Variants in PDCD6IP observed in about 807,000 individuals in gnomAD.
The protein encoded by PDCD6IP is programmed cell death 6 interacting protein.
A neutral mutation model predicts 103.7 loss-of-function variants in PDCD6IP; 43 were observed. The observed-to-expected ratio is 0.41, with a 90% CI of 0.32 to 0.53. The LOEUF (loss-of-function observed/expected upper bound fraction) is 0.53. PDCD6IP is among the 20% of genes least tolerant of loss of function. The pLI is 0.16. For missense variants in PDCD6IP, 871 were observed against 1,036.7 expected (o/e 0.84, Z 2.20); for synonymous variants, 354 against 378.7 (o/e 0.93, Z 0.76).
intron 3 of PDCD6IP, among the ~76,000 whole-genome samples, chr3:33,814,025 C>T (rs1362190263): frequency 6.6e-6 from 1 of 152,114 alleles, no homozygotes; most frequent in African/African-American, 2.4e-5. Flanking sequence ...GATACAAAAT[C>T]ATAACCATAG....
chr3:33,813,702 T>C, intron 3 of PDCD6IP, 74 bp downstream of exon 3: 1 of 852,996 alleles, frequency 1.2e-6, no homozygotes, highest in Non-Finnish European at 2.0e-6. Context: ...TTTAAAATTG[T>C]TATCCTAATG....
intron 1 of PDCD6IP, among the ~76,000 whole-genome samples, chr3:33,805,056 AAT>A (rs1237067887): frequency 5.3e-5 from 8 of 152,060 alleles, no homozygotes; most frequent in Non-Finnish European, 8.8e-5. Context: ...CTTCCCCTTA[AAT>A]TAAAAAATTC....
chr3:33,838,392 T>C, intron 9 of PDCD6IP, 65 bp downstream of exon 9: 1 of 1,373,686 alleles, frequency 7.3e-7, no homozygotes, highest in Non-Finnish European at 1.0e-6. Context: ...TTATGAACAT[T>C]TTAGTTTCTG....
At chr3:33,825,067 A>C in intron 4 of PDCD6IP, 120 bp from the exon 5 acceptor site, 1 of 847,006 alleles carries the variant, frequency 1.2e-6, no homozygotes, top group East Asian at 2.6e-5. Flanking sequence ...TTTGCATAAT[A>C]TAAAAATTTA....
At chr3:33,824,729 G>A (rs1010486408) in intron 4 of PDCD6IP, among the ~76,000 whole-genome samples, 1 of 152,192 alleles carries the variant, frequency 6.6e-6, no homozygotes, top group Non-Finnish European at 1.5e-5. Context: ...ACTGGCAATG[G>A]GTAGTAATGC....
chr3:33,823,816 G>A (rs1002385320), intron 4 of PDCD6IP, among the ~76,000 whole-genome samples: 1 of 152,084 alleles, frequency 6.6e-6, no homozygotes, highest in South Asian at 2.1e-4. Context: ...TAGTGAAAAC[G>A]AAGTAAAATT....
intron 15 of PDCD6IP, among the ~76,000 whole-genome samples, chr3:33,858,464 C>A (rs1013760754): frequency 2.0e-5 from 3 of 152,126 alleles, no homozygotes; most frequent in Admixed American, 2.0e-4. Context: ...CCACTGTACT[C>A]CAGTCTGGGC....
At position 33,838,175 on chromosome 3, in the gene PDCD6IP, T is replaced by G. The variant is rs575920985; in HGVS notation, c.1058-29T>G. ...ACAGTTCGGGTTTTTGTCTAAAAAT[T>G]TTGTTGTAATTTCTCTTCCTAATTT... On this transcript the variant is annotated intron_variant, in intron 8 of 17. Coordinates refer to ENST00000307296, the MANE Select transcript of PDCD6IP (RefSeq NM_013374.6). 4 of 1,607,764 alleles carry G rather than the reference T, an allele frequency of 2.5e-6. No individual in the cohort carries two copies. In the Admixed American group the frequency reaches 5.1e-5, roughly 20 times the overall value.
At chr3:33,820,087 C>G (rs1294210869) in intron 3 of PDCD6IP, among the ~76,000 whole-genome samples, 1 of 152,188 alleles carries the variant, frequency 6.6e-6, no homozygotes, top group South Asian at 2.1e-4. Flanking sequence ...AGTTCAAGAC[C>G]AGCCTAGGCA....
chr3:33,828,974 G>T lies in PDCD6IP; in HGVS notation c.834+5G>T. ...GAAGAAATTGCAAGGTTACAGGTGA[G>T]TCTCTTGGTAATAAATATTTAAGTA... On this transcript the variant is annotated splice_donor_5th_base_variant and intron_variant, in intron 7 of 17. Transcript: ENST00000307296. The T allele has an allele frequency of 6.3e-7, 1 of 1,580,794 alleles. No individual in the cohort carries two copies. The highest frequency in any genetic ancestry group is 8.6e-7 in the Non-Finnish European group (1 of 1,164,062).
At chr3:33,851,864 C>CT (rs1434951246) in intron 12 of PDCD6IP, among the ~76,000 whole-genome samples, 2 of 152,144 alleles carry the variant, frequency 1.3e-5, no homozygotes, top group Non-Finnish European at 2.9e-5. Context: ...GTATCTTTCT[C>CT]TATTTCTTTC....
Position 33,868,000 on chromosome 3 carries a change from G to T in PDCD6IP, c.*1475G>T, listed in dbSNP as rs1295464395. ...AAAATATATGTATATTTTAAACTTTGTTGTGTGTAGGAAACATGAAGGCAT... is the reference window on the plus strand; with the variant it reads ...AAAATATATGTATATTTTAAACTTTTTTGTGTGTAGGAAACATGAAGGCAT... On this transcript the variant is annotated 3_prime_UTR_variant, in exon 18 of 18. Transcript: ENST00000307296. The T allele has an allele frequency of 6.6e-6, 1 of 152,182 alleles. No individual in the cohort carries two copies. The highest frequency in any genetic ancestry group is 1.5e-5 in the Non-Finnish European group (1 of 68,018). The allele number at this position is 152,182 out of a possible 1,614,324, so 9.4% of individuals were successfully genotyped here.
chr3:33,837,549 G>A (rs1697376905), intron 8 of PDCD6IP, among the ~76,000 whole-genome samples: 1 of 151,884 alleles, frequency 6.6e-6, no homozygotes, highest in Non-Finnish European at 1.5e-5. Context: ...GGAAGTGTTG[G>A]AGCCAGAAAT....
intron 3 of PDCD6IP, among the ~76,000 whole-genome samples, chr3:33,820,882 G>T (rs998922948): frequency 4.6e-5 from 7 of 152,166 alleles, no homozygotes; most frequent in Non-Finnish European, 1.0e-4. Context: ...ATCTCTTTGA[G>T]ACTCTGCTTT....
At chr3:33,857,958 G>A (rs1200756177) in intron 15 of PDCD6IP, among the ~76,000 whole-genome samples, 2 of 152,072 alleles carry the variant, frequency 1.3e-5, no homozygotes, top group Non-Finnish European at 2.9e-5. Flanking sequence ...AATCACATGA[G>A]AGAGAAATTA....
In PDCD6IP at chr3:33,865,253, C is replaced by T. The variant is rs372284510; in HGVS notation, c.2255C>T (p.Pro752Leu). The change falls in exon 17 of 18, where the codon CCC becomes CTC. Residue 752 changes from proline (P) to leucine (L), a missense_variant. Coordinates refer to ENST00000307296, the MANE Select transcript of PDCD6IP (RefSeq NM_013374.6). ...PAPRTMPPTKPQPPARPPPPV... is the reference protein window; with the variant it reads ...PAPRTMPPTKLQPPARPPPPV... ...GACTTTTTCTTATAGCCTACTAAGC[C>T]CCAGCCCCCAGCCAGGCCTCCACCA... 1.3e-6 allele frequency: 2 copies of T among 1,548,038 alleles called. No individual in the cohort carries two copies. The highest frequency in any genetic ancestry group is 1.7e-6 in the Non-Finnish European group (2 of 1,154,448).
At chr3:33,809,935 A>G (rs984649053) in intron 1 of PDCD6IP, among the ~76,000 whole-genome samples, 9 of 152,196 alleles carry the variant, frequency 5.9e-5, no homozygotes, top group African/African-American at 2.2e-4. Context: ...TCTAGTGCAT[A>G]TCAGGAAAAA....
rs2125557169 is a variant in PDCD6IP at position 33,826,591 on chromosome 3, G to A, written c.717+11G>A. 6.2e-7 allele frequency: 1 copy of A among 1,610,710 alleles called. No homozygotes were observed. Among genetic ancestry groups the A allele is most frequent in the Non-Finnish European group, 8.5e-7 (1 of 1,177,654 alleles). ...GATACTCTCCCCAAGGTCAGTTATT[G>A]TTTTTATAAACACTTGCTTACTTTG... is the stretch of plus-strand genomic sequence containing the variant. On this transcript the variant is annotated intron_variant, in intron 6 of 17. Coordinates refer to ENST00000307296, the MANE Select transcript of PDCD6IP (RefSeq NM_013374.6).
At position 33,855,189 on chromosome 3, in the gene PDCD6IP, C is replaced by G. The variant is rs1035898860; in HGVS notation, c.2049C>G (p.Ile683Met). ...AGTTTTACAATGAGTTGACTGAAAT[C>G]CTGGTCAGGTTCCAGAACAAATGCA... ...GTKFYNELTE[I>M]LVRFQNKCSD... The change falls in exon 15 of 18, where the codon ATC (isoleucine) becomes ATG (methionine). Residue 683 changes from isoleucine to methionine, a missense_variant. Coordinates refer to ENST00000307296, the MANE Select transcript of PDCD6IP (RefSeq NM_013374.6). 14 of 1,609,508 alleles carry G rather than the reference C, an allele frequency of 8.7e-6. No homozygotes were observed. The highest frequency in any genetic ancestry group is 9.4e-6 in the Non-Finnish European group (11 of 1,176,214).
Sources: allele counts gnomAD v4.1 joint callset (sites outside exome capture counted in the v4.1 genomes callset), GRCh38; gene constraint gnomAD v4.1.1; transcripts MANE v1.5; gene names NCBI Gene and HGNC (gene_info 2026-07-23, HGNC 2026-07-21).